The following DNAH12 variants were observed in gnomAD, a reference collection of about 807,000 sequenced individuals.
DNAH12 encodes the protein dynein axonemal heavy chain 12.
A neutral mutation model predicts 371.5 loss-of-function variants in DNAH12; 285 were observed. The observed-to-expected ratio is 0.77, with a 90% CI of 0.70 to 0.85. The LOEUF (loss-of-function observed/expected upper bound fraction) is 0.85. Among genes scored for constraint, DNAH12 ranks in the 40% least tolerant of loss-of-function variants. The pLI is 0.00. For missense variants in DNAH12, 3,611 were observed against 3,689.4 expected, an observed-to-expected ratio of 0.98 and a Z score of 0.55; for synonymous variants, 1,200 against 1,213.0, an observed-to-expected ratio of 0.99 and a Z score of 0.22.
chr3:57,372,355 G>A (rs2063192803), intron 55 of DNAH12, among the ~76,000 whole-genome samples: 1 of 151,922 alleles, frequency 6.6e-6, no homozygotes, highest in Non-Finnish European at 1.5e-5. Context: ...AGTGTTAAAG[G>A]ACATTCTTCA....
At chr3:57,431,851 C>G (rs1166218431) in intron 32 of DNAH12, among the ~76,000 whole-genome samples, 1 of 152,172 alleles carries the variant, frequency 6.6e-6, no homozygotes, top group Non-Finnish European at 1.5e-5. Context: ...TAAGTCTCTT[C>G]TTTTATCCTC....
chr3:57,311,116 C>T (rs1559543391), intron 66 of DNAH12, among the ~76,000 whole-genome samples, 166 bp from the exon 67 acceptor site: 1 of 152,124 alleles, frequency 6.6e-6, no homozygotes, highest in Non-Finnish European at 1.5e-5. Context: ...CGCTCTGTCG[C>T]CCAGGCTGGA....
At chr3:57,301,496 A>C (rs1405677931) in intron 70 of DNAH12, among the ~76,000 whole-genome samples, 1 of 151,982 alleles carries the variant, frequency 6.6e-6, no homozygotes, top group Admixed American at 6.6e-5. Context: ...CAGTACTTTG[A>C]AATGTGTATA....
chr3:57,446,386 G>C, intron 26 of DNAH12, 116 bp from the exon 27 acceptor site: 1 of 1,428,482 alleles, frequency 7.0e-7, no homozygotes, highest in Non-Finnish European at 9.3e-7. Flanking sequence ...AAAGTTCCAA[G>C]GATAAAAACA....
At chr3:57,514,162 G>A (rs2068098053) in intron 4 of DNAH12, among the ~76,000 whole-genome samples, 1 of 152,154 alleles carries the variant, frequency 6.6e-6, no homozygotes, top group African/African-American at 2.4e-5. Context: ...GGGAGGCTGA[G>A]GCGGGCGGAT....
At chr3:57,334,698 T>G in intron 61 of DNAH12, 84 bp downstream of exon 61, 1 of 1,503,160 alleles carries the variant, frequency 6.7e-7, no homozygotes, top group Non-Finnish European at 8.9e-7. Flanking sequence ...AGACAGCTAT[T>G]TAAAACCATT....
intron 39 of DNAH12, among the ~76,000 whole-genome samples, chr3:57,411,190 C>G (rs1450840356): frequency 1.3e-5 from 2 of 151,856 alleles, no homozygotes; most frequent in East Asian, 3.9e-4. Flanking sequence ...ATTCAATCAC[C>G]TTTTTACATA....
At chr3:57,432,315 G>A (rs914058047) in intron 32 of DNAH12, among the ~76,000 whole-genome samples, 14 of 149,530 alleles carry the variant, frequency 9.4e-5, no homozygotes, top group Middle Eastern at 3.5e-3. Flanking sequence ...GATTACAGGC[G>A]CGCGCCACCA....
In DNAH12 at chr3:57,453,320, G is replaced by T; in HGVS notation, c.3540C>A (p.Thr1180=). ...ELVRGKLSKQ[T]RTTLGALVTI... The stretch of plus-strand genomic sequence containing the variant: ...TAACCAAAGCCCCCAGAGTGGTCCT[G>T]GTCTGCTTAGACAACTTTCCTCTTA... The change falls in exon 24 of 74, where the codon ACC becomes ACA. Residue 1180 remains threonine (T), a synonymous_variant. Coordinates refer to ENST00000495027, the MANE Select transcript of DNAH12 (RefSeq NM_001366028.2). 3.2e-6 allele frequency: 5 copies of T among 1,551,082 alleles called. No homozygotes were observed. Among genetic ancestry groups the T allele is most frequent in the Non-Finnish European group, 4.4e-6 (5 of 1,146,806 alleles).
intron 43 of DNAH12, among the ~76,000 whole-genome samples, chr3:57,394,847 A>G (rs2063703540): frequency 6.6e-6 from 1 of 152,152 alleles, no homozygotes; most frequent in South Asian, 2.1e-4. Flanking sequence ...TTCAGTGTAG[A>G]CAGGCTGGGG....
At chr3:57,474,598 A>C (rs959946483) in intron 13 of DNAH12, among the ~76,000 whole-genome samples, 1 of 152,188 alleles carries the variant, frequency 6.6e-6, no homozygotes, top group African/African-American at 2.4e-5. Context: ...GCAGGGCCTA[A>C]AGTTCAAATT....
chr3:57,493,451 T>A (rs1289112834), intron 11 of DNAH12, among the ~76,000 whole-genome samples: 1 of 152,228 alleles, frequency 6.6e-6, no homozygotes, highest in African/African-American at 2.4e-5. Flanking sequence ...GACTTGAGCA[T>A]CTGCAGATTT....
At chr3:57,500,158 G>GCA (rs1559725283) in intron 11 of DNAH12, among the ~76,000 whole-genome samples, 1 of 149,846 alleles carries the variant, frequency 6.7e-6, no homozygotes, top group African/African-American at 2.5e-5. Flanking sequence ...CTACTCCTCA[G>GCA]CCCCCCCTAG....
chr3:57,466,649 T>A (rs1334552704), intron 17 of DNAH12, among the ~76,000 whole-genome samples: 1 of 152,192 alleles, frequency 6.6e-6, no homozygotes, highest in Non-Finnish European at 1.5e-5. Context: ...TGGAGAACTG[T>A]GCTATAACTA....
chr3:57,337,038 C>T (rs2062240020), intron 60 of DNAH12, among the ~76,000 whole-genome samples: 1 of 152,016 alleles, frequency 6.6e-6, no homozygotes, highest in Non-Finnish European at 1.5e-5. Context: ...CAGAGACTGA[C>T]AGTAACAGGA....
intron 62 of DNAH12, among the ~76,000 whole-genome samples, chr3:57,330,300 C>T (rs1472267331): frequency 2.1e-4 from 32 of 151,586 alleles, no homozygotes; most frequent in African/African-American, 7.3e-4. Context: ...ATAGCAAAGA[C>T]TTGGAACCAA....
intron 29 of DNAH12, among the ~76,000 whole-genome samples, chr3:57,443,667 C>A (rs922198306): frequency 1.3e-5 from 2 of 151,368 alleles, no homozygotes; most frequent in African/African-American, 2.4e-5. Context: ...CATCACTACC[C>A]GTAGTTACCG....
intron 65 of DNAH12, among the ~76,000 whole-genome samples, chr3:57,321,399 T>C (rs1418905917): frequency 1.3e-5 from 2 of 152,184 alleles, no homozygotes; most frequent in Non-Finnish European, 2.9e-5. Context: ...CATGAAAATA[T>C]GATAAATAGT....
chr3:57,440,775 C>T (rs1037374484), intron 29 of DNAH12, among the ~76,000 whole-genome samples: 2 of 152,092 alleles, frequency 1.3e-5, no homozygotes, highest in Non-Finnish European at 2.9e-5. Flanking sequence ...ATGGGTTGAG[C>T]CCGGGAGTTC....
Sources: gnomAD v4.1 joint callset for allele counts (sites outside exome capture counted in the v4.1 genomes callset) on GRCh38, gnomAD v4.1.1 for gene constraint, MANE v1.5 for transcripts, NCBI Gene and HGNC (gene_info 2026-07-23, HGNC 2026-07-21) for gene names.